CCSER1: variants seen among roughly 807,000 people sequenced by gnomAD.
CCSER1 encodes coiled-coil serine rich protein 1.
CCSER1 carries 41 observed loss-of-function variants against 82.0 expected under a neutral mutation model. That is an observed-to-expected ratio of 0.50 (90% CI 0.39 to 0.65). The LOEUF (loss-of-function observed/expected upper bound fraction) is 0.65, where lower values mean the gene tolerates loss of function less well. Ranked by LOEUF, CCSER1 falls within the 30% of genes least tolerant of loss-of-function variation. The pLI is 0.00. For missense variants in CCSER1, 1,119 were observed against 1,064.2 expected (o/e 1.05, Z -0.72); for synonymous variants, 414 against 383.9 (o/e 1.08, Z -0.92).
chr4:91,581,845 A>G (rs1300449447), intron 10 of CCSER1, among the ~76,000 whole-genome samples: 5 of 150,706 alleles, frequency 3.3e-5, no homozygotes, highest in Non-Finnish European at 7.4e-5. Flanking sequence ...CCTAAATACT[A>G]ATAGTCCACC....
At position 90,350,685 on chromosome 4, in the gene CCSER1, G is replaced by A. The variant is rs115336941; in HGVS notation, c.1509+37638G>A. Among the ~76,000 whole-genome samples the A allele has an allele frequency of 6.0e-3, 910 of 152,078 alleles. 8 individuals carry two copies. The highest frequency in any genetic ancestry group is 0.02 in the African/African-American group (846 of 41,512). On this transcript the variant is annotated intron_variant, in intron 3 of 10. Transcript: ENST00000509176. ...CGGAAGTAAAGCTACCATTTATAATGGCACCAAATATAACAAATATAGCTG... is the reference window on the plus strand; with the variant it reads ...CGGAAGTAAAGCTACCATTTATAATAGCACCAAATATAACAAATATAGCTG...
At chr4:90,258,345 T>C (rs895278416) in intron 1 of CCSER1, among the ~76,000 whole-genome samples, 5 of 152,156 alleles carry the variant, frequency 3.3e-5, no homozygotes, top group Non-Finnish European at 5.9e-5. Flanking sequence ...ACACCCCGTT[T>C]CTACTAAACA....
Position 90,670,839 on chromosome 4 carries a change from G to A in CCSER1, c.1932+42607G>A, listed in dbSNP as rs185999778. Among the ~76,000 whole-genome samples the A allele has an allele frequency of 7.2e-5, 11 of 151,964 alleles. No homozygotes were observed. In the East Asian group the frequency reaches 2.1e-3, roughly 29 times the overall value. On this transcript the variant is annotated intron_variant, in intron 6 of 10. Coordinates refer to ENST00000509176, the MANE Select transcript of CCSER1 (RefSeq NM_001145065.2). The stretch of plus-strand genomic sequence containing the variant: ...GCCCTCCTCCTTTATCCAGGAAGAG[G>A]TCAAAATCTCTGGGGGCAAGAGTCA...
chr4:91,061,484 T>C (rs1165195637), intron 9 of CCSER1, among the ~76,000 whole-genome samples: 12 of 152,064 alleles, frequency 7.9e-5, no homozygotes, highest in Admixed American at 7.2e-4. Flanking sequence ...ATACTGGCTT[T>C]AGAGTTCTTT....
At chr4:90,255,738 AAC>A (rs1372746433) in intron 1 of CCSER1, among the ~76,000 whole-genome samples, 1 of 152,204 alleles carries the variant, frequency 6.6e-6, no homozygotes, top group Non-Finnish European at 1.5e-5. Flanking sequence ...GTGTAAAAAA[AAC>A]ACAGTTAAAG....
chr4:90,521,895 T>G (rs1773183866), intron 5 of CCSER1, among the ~76,000 whole-genome samples: 1 of 152,142 alleles, frequency 6.6e-6, no homozygotes, highest in Admixed American at 6.6e-5. Context: ...TTCTTGAAAT[T>G]TTCTCCTGTT....
At position 91,135,893 on chromosome 4, in the gene CCSER1, T is replaced by C. The variant is rs144231028; in HGVS notation, c.2217+49899T>C. On this transcript the variant is annotated intron_variant, in intron 10 of 10. Transcript: ENST00000509176. ...CTATATTTGATGGTCCTGTGAATCA[T>C]GAGTATATTTGTATAAACCTGAATC... Among the ~76,000 whole-genome samples the C allele has an allele frequency of 5.8e-3, 891 of 152,330 alleles. 9 individuals carry two copies. The highest frequency in any genetic ancestry group is 0.012 in the South Asian group (56 of 4,832).
At chr4:90,854,988 A>T (rs967414620) in intron 8 of CCSER1, among the ~76,000 whole-genome samples, 5 of 151,074 alleles carry the variant, frequency 3.3e-5, no homozygotes, top group African/African-American at 9.7e-5. Flanking sequence ...GGCACGAGAG[A>T]GTGTGTGTGT....
intron 8 of CCSER1, among the ~76,000 whole-genome samples, chr4:90,899,032 G>A (rs1212877016): frequency 6.6e-6 from 1 of 151,698 alleles, no homozygotes; most frequent in Non-Finnish European, 1.5e-5. Flanking sequence ...GATTTTTTTG[G>A]GATGTGTAGT....
At chr4:90,918,020 C>A (rs535503394) in intron 8 of CCSER1, among the ~76,000 whole-genome samples, 11 of 152,014 alleles carry the variant, frequency 7.2e-5, no homozygotes, top group African/African-American at 2.2e-4. Context: ...TTAAAAAAAT[C>A]TTTTTCTAGC....
At chr4:91,380,584 T>C (rs997539690) in intron 10 of CCSER1, among the ~76,000 whole-genome samples, 78 of 152,142 alleles carry the variant, frequency 5.1e-4, no homozygotes, top group Admixed American at 4.3e-3. Flanking sequence ...CCTTTTTTTG[T>C]TTTCCGTTTG....
At chr4:91,572,367 C>T (rs1357022339) in intron 10 of CCSER1, among the ~76,000 whole-genome samples, 1 of 151,950 alleles carries the variant, frequency 6.6e-6, no homozygotes, top group African/African-American at 2.4e-5. Flanking sequence ...GGCTGGCTAC[C>T]CTGGTTGGTA....
chr4:90,812,045 C>A (rs1758417261), intron 7 of CCSER1, among the ~76,000 whole-genome samples: 1 of 149,734 alleles, frequency 6.7e-6, no homozygotes, highest in Admixed American at 6.7e-5. Context: ...TTACAAGGTC[C>A]ACAATAGGCC....
chr4:90,198,945 AAC>A (rs2153403270), intron 1 of CCSER1, among the ~76,000 whole-genome samples: 1 of 152,284 alleles, frequency 6.6e-6, no homozygotes, highest in African/African-American at 2.4e-5. Context: ...ACAACTTTAA[AAC>A]AATTTTTTTT....
chr4:90,155,121 G>A (rs557215565), intron 1 of CCSER1, among the ~76,000 whole-genome samples: 3,610 of 152,212 alleles, frequency 0.024, 136 homozygotes, highest in African/African-American at 0.081. Context: ...GGCCTTTTCC[G>A]CATCTATTGA....
chr4:90,572,020 A>T (rs970799565), intron 5 of CCSER1, among the ~76,000 whole-genome samples: 1 of 152,108 alleles, frequency 6.6e-6, no homozygotes, highest in Non-Finnish European at 1.5e-5. Context: ...ATTTTCTTTC[A>T]TCTTGAATAA....
intron 8 of CCSER1, among the ~76,000 whole-genome samples, chr4:90,849,830 G>T (rs1383331928): frequency 6.6e-6 from 1 of 151,394 alleles, no homozygotes; most frequent in Non-Finnish European, 1.5e-5. Context: ...ATTTTCTGAG[G>T]AGAAATTCAA....
intron 7 of CCSER1, among the ~76,000 whole-genome samples, chr4:90,811,995 C>CACACACACACACATAT (rs367800484): frequency 4.9e-5 from 7 of 142,778 alleles, no homozygotes; most frequent in African/African-American, 1.8e-4. Context: ...TATATAAACA[C>CACACACACACACATAT]ATATATATAT....
intron 10 of CCSER1, among the ~76,000 whole-genome samples, chr4:91,247,794 G>A (rs898047290): frequency 6.6e-6 from 1 of 152,250 alleles, no homozygotes; most frequent in Non-Finnish European, 1.5e-5. Context: ...CTCAAACCTG[G>A]CAGTTGGAGG....
Sources: allele counts gnomAD v4.1 joint callset (sites outside exome capture counted in the v4.1 genomes callset), GRCh38; gene constraint gnomAD v4.1.1; transcripts MANE v1.5; gene names NCBI Gene and HGNC (gene_info 2026-07-23, HGNC 2026-07-21).